LARGE1: variants seen among roughly 807,000 people sequenced by gnomAD.
LARGE1 encodes LARGE xylosyl- and glucuronyltransferase 1, also known as xylosyl- and glucuronyltransferase LARGE1.
Under a neutral mutation model 87.6 loss-of-function variants are expected in LARGE1, and 43 were observed. The ratio of observed to expected loss-of-function variants is 0.49; its 90% CI spans 0.38 to 0.63. LARGE1 has a LOEUF of 0.63. LARGE1 is among the 30% of genes least tolerant of loss of function. The probability of loss-of-function intolerance (pLI) is 0.00; values close to 1 mark genes in which losing one functional copy is unlikely to be tolerated. For synonymous variants in LARGE1, 434 were observed against 394.6 expected (o/e 1.10, Z -1.18); for missense variants, 802 against 1,000.2 (o/e 0.80, Z 2.67).
chr22:33,429,443 C>A (rs907214980), intron 7 of LARGE1, among the ~76,000 whole-genome samples: 3 of 152,142 alleles, frequency 2.0e-5, no homozygotes, highest in African/African-American at 7.2e-5. Context: ...AGGTGGTTTA[C>A]GTGCTCCTGT....
intron 9 of LARGE1, among the ~76,000 whole-genome samples, chr22:33,356,443 T>C (rs1377928298): frequency 6.6e-6 from 1 of 152,172 alleles, no homozygotes; most frequent in African/African-American, 2.4e-5. Context: ...AGGCAAGGTG[T>C]TTAACCTTTG....
intron 10 of LARGE1, among the ~76,000 whole-genome samples, chr22:33,336,286 C>T (rs749059574): frequency 6.6e-6 from 1 of 152,122 alleles, no homozygotes; most frequent in African/African-American, 2.4e-5. Context: ...CTGTAACCTC[C>T]GCCTCCCGGG....
chr22:33,798,010 C>T (rs1043144783), intron 1 of LARGE1, among the ~76,000 whole-genome samples: 4 of 152,190 alleles, frequency 2.6e-5, no homozygotes, highest in African/African-American at 9.7e-5. Flanking sequence ...CAGTGGCTTA[C>T]ACCTGTAATC....
intron 11 of LARGE1, among the ~76,000 whole-genome samples, chr22:33,233,263 AGGT>A (rs1187338779): frequency 7.9e-5 from 12 of 152,094 alleles, no homozygotes; most frequent in Non-Finnish European, 1.6e-4. Flanking sequence ...TTAGCAGCCT[AGGT>A]GGTGGTGGTG....
At chr22:33,521,021 C>T (rs572285597) in intron 6 of LARGE1, among the ~76,000 whole-genome samples, 6 of 152,316 alleles carry the variant, frequency 3.9e-5, no homozygotes, top group Admixed American at 1.3e-4. Context: ...CAGTCCCCAG[C>T]GCTTGCCAAA....
chr22:33,758,576 T>C (rs2084608959), intron 2 of LARGE1, among the ~76,000 whole-genome samples: 1 of 152,238 alleles, frequency 6.6e-6, no homozygotes, highest in Non-Finnish European at 1.5e-5. Flanking sequence ...CAGTCTGTCA[T>C]GTTGCCTCAA....
intron 6 of LARGE1, among the ~76,000 whole-genome samples, chr22:33,534,742 C>T (rs1315930374): frequency 2.0e-5 from 3 of 152,156 alleles, no homozygotes; most frequent in African/African-American, 4.8e-5. Context: ...CTAGAATCAA[C>T]AACACAACCA....
chr22:33,353,399 CTTTTTTTT>C (rs879900631), intron 9 of LARGE1, among the ~76,000 whole-genome samples: 56 of 138,850 alleles, frequency 4.0e-4, no homozygotes, highest in African/African-American at 1.4e-3. Flanking sequence ...TTCTTTTTTT[CTTTTTTTT>C]TTTTTGCCTT....
chr22:33,662,076 C>CA (rs34470280), intron 2 of LARGE1, among the ~76,000 whole-genome samples: 25,147 of 54,006 alleles, frequency 0.47, 4,096 homozygotes, highest in Non-Finnish European at 0.54. Flanking sequence ...GCTTAGGAGC[C>CA]AAAAAAAAAA....
intron 3 of LARGE1, among the ~76,000 whole-genome samples, chr22:33,635,353 T>A (rs2080238941): frequency 6.6e-6 from 1 of 152,148 alleles, no homozygotes. Context: ...CTGCGGTCAC[T>A]GGTCCACCCC....
intron 1 of LARGE1, among the ~76,000 whole-genome samples, chr22:33,776,998 G>A (rs780429856): frequency 1.6e-4 from 25 of 152,140 alleles, no homozygotes; most frequent in Non-Finnish European, 3.5e-4. Flanking sequence ...GAGTGTACAG[G>A]ATAGTCAGGC....
intron 1 of LARGE1, among the ~76,000 whole-genome samples, chr22:33,824,449 C>A (rs553317581): frequency 6.6e-6 from 1 of 152,150 alleles, no homozygotes. Context: ...TTCATTATCA[C>A]GAGAACAGCA....
chr22:33,796,232 T>C (rs2085976613), intron 1 of LARGE1, among the ~76,000 whole-genome samples: 1 of 152,194 alleles, frequency 6.6e-6, no homozygotes, highest in African/African-American at 2.4e-5. Context: ...CGGGTATACA[T>C]CCATACACAT....
intron 6 of LARGE1, among the ~76,000 whole-genome samples, chr22:33,487,051 G>A (rs982101053): frequency 1.3e-5 from 2 of 152,192 alleles, no homozygotes; most frequent in African/African-American, 4.8e-5. Context: ...TGCAGCCTAA[G>A]TCTATTCTCT....
the LARGE1 span, among the ~76,000 whole-genome samples, chr22:33,089,321 T>TTC: frequency 1.5e-3 from 132 of 87,062 alleles, no homozygotes; most frequent in African/African-American, 4.8e-3. Context: ...TTCTTTCTTC[T>TTC]TTCTTCTTCT....
intron 1 of LARGE1, 150 bp from the exon 2 acceptor site, chr22:33,761,708 C>G (rs1265297778): frequency 4.9e-5 from 29 of 588,206 alleles, no homozygotes; most frequent in Non-Finnish European, 1.5e-5. Context: ...ATGCTGCCGT[C>G]TCGCAGTCTT....
chr22:33,545,419 AAC>A (rs55754949), intron 6 of LARGE1, among the ~76,000 whole-genome samples: 9,776 of 143,840 alleles, frequency 0.068, 665 homozygotes, highest in African/African-American at 0.19. Flanking sequence ...ACACCCAGCT[AAC>A]ACACACACAC....
chr22:33,783,629 C>G (rs1290001638), intron 1 of LARGE1, among the ~76,000 whole-genome samples: 1 of 152,196 alleles, frequency 6.6e-6, no homozygotes, highest in Non-Finnish European at 1.5e-5. Context: ...TAAAAGTACT[C>G]TCCAGACAGA....
intron 1 of LARGE1, among the ~76,000 whole-genome samples, chr22:33,810,932 C>T (rs934019430): frequency 5.3e-5 from 8 of 152,086 alleles, no homozygotes; most frequent in African/African-American, 1.9e-4. Flanking sequence ...CCATGTTGGC[C>T]AGGATGATCT....
Sources: gnomAD v4.1 joint callset for allele counts (sites outside exome capture counted in the v4.1 genomes callset) on GRCh38, gnomAD v4.1.1 for gene constraint, MANE v1.5 for transcripts, NCBI Gene and HGNC (gene_info 2026-07-23, HGNC 2026-07-21) for gene names.